Variants in FOXP1 observed in about 807,000 individuals in gnomAD.
The protein encoded by FOXP1 is forkhead box P1, also known as forkhead box protein P1.
Under a neutral mutation model 98.2 loss-of-function variants are expected in FOXP1, and 15 were observed. That is an observed-to-expected ratio of 0.15 (90% confidence interval 0.10 to 0.24). FOXP1 has a LOEUF of 0.24. FOXP1 is among the 10% of genes least tolerant of loss of function. The probability of loss-of-function intolerance (pLI) is 1.00; values close to 1 mark genes in which losing one functional copy is unlikely to be tolerated. For synonymous variants in FOXP1, 371 were observed against 314.5 expected (o/e 1.18, Z -1.90); for missense variants, 633 against 848.5 (o/e 0.75, Z 3.15).
At chr3:71,524,539 TAAAAAAAAAAA>T (rs35974535) in intron 2 of FOXP1, among the ~76,000 whole-genome samples, 1 of 128,904 alleles carries the variant, frequency 7.8e-6, no homozygotes, top group Non-Finnish European at 1.6e-5. Context: ...AAATAAATCT[TAAAAAAAAAAA>T]AAAAAAAGCA....
chr3:71,087,348 T>C (rs1268238387), intron 7 of FOXP1, among the ~76,000 whole-genome samples: 1 of 152,234 alleles, frequency 6.6e-6, no homozygotes, highest in Non-Finnish European at 1.5e-5. Flanking sequence ...CCAATGTTAA[T>C]TGATCAAACA....
At chr3:71,058,543 G>A (rs1002596582) in intron 7 of FOXP1, among the ~76,000 whole-genome samples, 1 of 151,062 alleles carries the variant, frequency 6.6e-6, no homozygotes, top group Non-Finnish European at 1.5e-5. Flanking sequence ...TAAATTAGAA[G>A]GCTCCAGAAT....
intron 7 of FOXP1, among the ~76,000 whole-genome samples, chr3:71,071,428 A>C (rs572898184): frequency 5.3e-5 from 8 of 152,312 alleles, no homozygotes; most frequent in Middle Eastern, 3.4e-3. Context: ...TAACTCTGAG[A>C]TAGTACAGGA....
At chr3:71,159,470 G>A (rs1459178047) in intron 6 of FOXP1, among the ~76,000 whole-genome samples, 3 of 152,216 alleles carry the variant, frequency 2.0e-5, no homozygotes, top group Non-Finnish European at 4.4e-5. Flanking sequence ...TGCAGCAGAA[G>A]AAAGAGAGCT....
chr3:71,418,356 C>T (rs2083380018), intron 3 of FOXP1, among the ~76,000 whole-genome samples: 1 of 152,180 alleles, frequency 6.6e-6, no homozygotes, highest in Non-Finnish European at 1.5e-5. Flanking sequence ...AGGGCGACCA[C>T]AGAAAGGCCA....
At chr3:71,120,949 G>A (rs1259907702) in intron 6 of FOXP1, among the ~76,000 whole-genome samples, 1 of 151,992 alleles carries the variant, frequency 6.6e-6, no homozygotes, top group Non-Finnish European at 1.5e-5. Context: ...GGTAGGTTTG[G>A]GAGTTGTGCT....
chr3:71,280,010 C>G (rs2071343515), intron 5 of FOXP1, among the ~76,000 whole-genome samples: 1 of 151,372 alleles, frequency 6.6e-6, no homozygotes, highest in Non-Finnish European at 1.5e-5. Flanking sequence ...GTAGTCCCAG[C>G]TACTCGGGAG....
chr3:71,490,489 ACT>A lies in FOXP1; in HGVS notation c.-168+2935_-168+2936del, dbSNP rs2090985141. ...TTCCAGCCTGGGTGACAAGAGCAAAACTCTGTCTTAAAAAAAAAAAATGGGAG... is the reference window on the plus strand; with the variant it reads ...TTCCAGCCTGGGTGACAAGAGCAAAACTGTCTTAAAAAAAAAAAATGGGAG... On this transcript the variant is annotated intron_variant, in intron 3 of 20. Coordinates refer to ENST00000649528, the MANE Select transcript of FOXP1 (RefSeq NM_001349338.3). Among the ~76,000 whole-genome samples the A allele has an allele frequency of 2.0e-5, 3 of 151,222 alleles. No individual in the cohort carries two copies. The South Asian group carries it at 6.3e-4, about 32-fold the overall frequency.
At chr3:71,310,473 C>A (rs570450319) in intron 4 of FOXP1, among the ~76,000 whole-genome samples, 5 of 152,320 alleles carry the variant, frequency 3.3e-5, no homozygotes, top group Admixed American at 3.3e-4. Context: ...CTACTCTTTG[C>A]TTTTCTGCAG....
At chr3:71,492,306 G>T (rs934527734) in intron 3 of FOXP1, among the ~76,000 whole-genome samples, 4 of 152,024 alleles carry the variant, frequency 2.6e-5, no homozygotes, top group African/African-American at 9.7e-5. Flanking sequence ...ACAAAAATTA[G>T]CCAGGCATGG....
intron 7 of FOXP1, among the ~76,000 whole-genome samples, chr3:71,057,795 G>A (rs2050891181): frequency 6.6e-6 from 1 of 152,132 alleles, no homozygotes; most frequent in South Asian, 2.1e-4. Flanking sequence ...GATCCCAGGT[G>A]CACCCAAACC....
Position 71,174,999 on chromosome 3 carries a change from C to T in FOXP1, c.180+23203G>A, listed in dbSNP as rs138151449. Among the ~76,000 whole-genome samples the T allele has an allele frequency of 1.1e-3, 174 of 151,830 alleles. 3 individuals are homozygous for T. Among genetic ancestry groups the T allele is most frequent in the African/African-American group, 3.7e-3 (152 of 41,406 alleles). On this transcript the variant is annotated intron_variant, in intron 6 of 20. Transcript: ENST00000649528. The stretch of plus-strand genomic sequence containing the variant: ...CATGATCTCAGCTCACTGCAACCTC[C>T]GCCCCCGGGTTCAAGCCATTCTCCT...
At chr3:71,553,947 T>C (rs1226067713) in intron 2 of FOXP1, among the ~76,000 whole-genome samples, 1 of 152,204 alleles carries the variant, frequency 6.6e-6, no homozygotes, top group Non-Finnish European at 1.5e-5. Flanking sequence ...TGGATGCAAT[T>C]ATAAAATATA....
At chr3:71,541,871 A>C (rs1011735064) in intron 2 of FOXP1, 3 of 441,392 alleles carry the variant, frequency 6.8e-6, no homozygotes, top group African/African-American at 4.2e-5. Flanking sequence ...TTATTTATTC[A>C]GACGGTCTTG....
At position 70,976,982 on chromosome 3, in the gene FOXP1, G is replaced by C. The variant is rs775136381; in HGVS notation, c.1489C>G (p.Arg497Gly). 19 of 1,614,026 alleles carry C rather than the reference G, an allele frequency of 1.2e-5. 1 individual carries two copies. Among genetic ancestry groups the C allele is most frequent in the South Asian group, 4.4e-5 (4 of 91,086 alleles). Residue 497 changes from arginine (R) to glycine (G), a missense_variant, in exon 17 of 21, where the codon CGA becomes GGA. By Grantham distance (125) the Arg-to-Gly change is moderately radical (BLOSUM62 -2). This residue lies in a region of FOXP1 where 141 missense variants were observed against 199.5 expected (regional missense o/e 0.71). Transcript: ENST00000649528. ...TLNEIYNWFT[R>G]MFAYFRRNAA... ...TTGCGTCGGAAGTAAGCAAACATTC[G>C]TGTGAACCAGTTATAGATCTCATTT... is the stretch of plus-strand genomic sequence containing the variant.
intron 6 of FOXP1, among the ~76,000 whole-genome samples, chr3:71,113,469 G>A (rs915062172): frequency 3.9e-5 from 6 of 152,092 alleles, no homozygotes; most frequent in Non-Finnish European, 7.3e-5. Context: ...TGTGGCTCAC[G>A]CCTGTAATCC....
chr3:71,381,710 C>T (rs924913042), intron 3 of FOXP1, among the ~76,000 whole-genome samples: 1 of 152,220 alleles, frequency 6.6e-6, no homozygotes, highest in South Asian at 2.1e-4. Flanking sequence ...TCCCAAAGTG[C>T]GGGACTTATA....
chr3:71,506,705 G>A (rs557371492), intron 2 of FOXP1, among the ~76,000 whole-genome samples: 16 of 152,038 alleles, frequency 1.1e-4, no homozygotes, highest in African/African-American at 3.4e-4. Context: ...CAGCTACCAC[G>A]TTTGCCCTTG....
intron 13 of FOXP1, among the ~76,000 whole-genome samples, chr3:70,994,152 C>T (rs988578375): frequency 6.6e-6 from 1 of 151,732 alleles, no homozygotes. Flanking sequence ...CCCTGGCATA[C>T]AGCAGGAGCT....
Sources: gnomAD v4.1 joint callset for allele counts (sites outside exome capture counted in the v4.1 genomes callset) on GRCh38, gnomAD v4.1.1 for gene constraint, gnomAD v4.1.1 regional missense constraint, MANE v1.5 for transcripts, NCBI Gene and HGNC (gene_info 2026-07-23, HGNC 2026-07-21) for gene names.